The following PCDHA13 variants were observed in gnomAD, a reference collection of about 807,000 sequenced individuals.
PCDHA13 encodes the protein protocadherin alpha 13, also known as protocadherin alpha-13.
PCDHA13 carries 54 observed loss-of-function variants against 64.8 expected under a neutral mutation model. That is an observed-to-expected ratio of 0.83 (90% CI 0.67 to 1.04). The LOEUF (loss-of-function observed/expected upper bound fraction) is 1.04, where lower values mean the gene tolerates loss of function less well. Ranked by LOEUF, PCDHA13 falls within the 50% of genes least tolerant of loss-of-function variation. PCDHA13 has a pLI of 0.00. For missense variants in PCDHA13, 1,248 were observed against 1,254.3 expected, an observed-to-expected ratio of 0.99 and a Z score of 0.08; for synonymous variants, 587 against 564.4, an observed-to-expected ratio of 1.04 and a Z score of -0.57.
intron 1 of PCDHA13, among the ~76,000 whole-genome samples, chr5:140,953,569 C>G (rs246030): frequency 0.56 from 85,556 of 151,828 alleles, 24,725 homozygotes; most frequent in African/African-American, 0.69. Context: ...TTAGTGCCCT[C>G]CTCTCCCAAA....
At chr5:140,973,068 G>T (rs1563422416) in intron 1 of PCDHA13, among the ~76,000 whole-genome samples, 1 of 152,140 alleles carries the variant, frequency 6.6e-6, no homozygotes, top group Non-Finnish European at 1.5e-5. Context: ...CAGTGTCTCA[G>T]TGGGCCCAGC....
intron 1 of PCDHA13, among the ~76,000 whole-genome samples, chr5:140,930,742 A>G (rs2087064675): frequency 6.6e-6 from 1 of 152,216 alleles, no homozygotes; most frequent in Non-Finnish European, 1.5e-5. Context: ...AATAAAATAA[A>G]TTTACATATG....
intron 1 of PCDHA13, among the ~76,000 whole-genome samples, chr5:140,956,438 G>A (rs891696288): frequency 1.3e-5 from 2 of 152,154 alleles, no homozygotes; most frequent in Non-Finnish European, 2.9e-5. Context: ...TTCTGCTTAT[G>A]TGATGAATTA....
At chr5:140,929,276 G>A (rs1554206920) in intron 1 of PCDHA13, 2 of 1,604,822 alleles carry the variant, frequency 1.2e-6, no homozygotes, top group African/African-American at 1.3e-5. Flanking sequence ...CCAATATCCT[G>A]TATTCAGATT....
At chr5:140,963,195 T>TG (rs1323958663) in intron 1 of PCDHA13, among the ~76,000 whole-genome samples, 4 of 150,680 alleles carry the variant, frequency 2.7e-5, no homozygotes, top group Non-Finnish European at 5.9e-5. Flanking sequence ...ACTGTGAAAA[T>TG]GAAAAAAAAA....
In PCDHA13 at chr5:140,882,153, A is replaced by C. The variant is rs1197738298; in HGVS notation, c.-116A>C. 8 of 1,505,202 alleles carry C rather than the reference A, an allele frequency of 5.3e-6. No individual in the cohort carries two copies. Among genetic ancestry groups the C allele is most frequent in the Non-Finnish European group, 7.1e-6 (8 of 1,126,216 alleles). The allele number at this position is 1,505,202 out of a possible 1,614,324, so 93.2% of individuals were successfully genotyped here. The stretch of plus-strand genomic sequence containing the variant: ...CTGCAGAAAATATAGCAGAAAGCGG[A>C]ATACCTCTTGCGAATCCTTCCGCAC... On this transcript the variant is annotated 5_prime_UTR_variant, in exon 1 of 4. Transcript: ENST00000289272.
chr5:140,978,860 A>G, intron 1 of PCDHA13, 89 bp from the exon 2 acceptor site: 1 of 1,598,356 alleles, frequency 6.3e-7, no homozygotes, highest in African/African-American at 1.3e-5. Context: ...GCCTGGAAAT[A>G]TTTAAGGGAG....
chr5:140,976,427 T>C (rs2096715861), intron 1 of PCDHA13, among the ~76,000 whole-genome samples: 1 of 152,064 alleles, frequency 6.6e-6, no homozygotes, highest in Admixed American at 6.5e-5. Flanking sequence ...GGCAGATGCC[T>C]GTAATCCCAG....
At chr5:140,968,419 T>C (rs372766707) in intron 1 of PCDHA13, 37 of 1,613,898 alleles carry the variant, frequency 2.3e-5, no homozygotes, top group Non-Finnish European at 3.0e-5. Context: ...CTGTGGAGGC[T>C]CAGGACAAGG....
At chr5:140,913,145 G>A (rs2076230074) in intron 1 of PCDHA13, among the ~76,000 whole-genome samples, 1 of 152,150 alleles carries the variant, frequency 6.6e-6, no homozygotes, top group Non-Finnish European at 1.5e-5. Context: ...TTTTGGAATA[G>A]TTTGAGTAGG....
intron 3 of PCDHA13, among the ~76,000 whole-genome samples, chr5:141,003,290 G>A (rs1302166316): frequency 1.3e-5 from 2 of 152,176 alleles, no homozygotes; most frequent in Non-Finnish European, 2.9e-5. Flanking sequence ...TTGGATTATA[G>A]GATTACATGA....
chr5:140,932,474 A>G (rs1444534569), intron 1 of PCDHA13, among the ~76,000 whole-genome samples: 1 of 151,904 alleles, frequency 6.6e-6, no homozygotes, highest in African/African-American at 2.4e-5. Context: ...AGGAAATAGG[A>G]TATCTCCTCT....
chr5:141,008,299 C>G (rs1223779122), intron 3 of PCDHA13, among the ~76,000 whole-genome samples: 9 of 152,238 alleles, frequency 5.9e-5, no homozygotes, highest in Non-Finnish European at 1.2e-4. Context: ...TGTACCCAAC[C>G]CTAAACTGTA....
chr5:140,983,966 C>A (rs782428444), intron 3 of PCDHA13, among the ~76,000 whole-genome samples: 1 of 152,048 alleles, frequency 6.6e-6, no homozygotes, highest in Non-Finnish European at 1.5e-5. Flanking sequence ...CACATTTGTC[C>A]AAAAAATATA....
At chr5:141,004,681 G>A (rs1554259668) in intron 3 of PCDHA13, among the ~76,000 whole-genome samples, 1 of 152,176 alleles carries the variant, frequency 6.6e-6, no homozygotes. Flanking sequence ...CTGTGGAGTG[G>A]TGCTGAAACC....
intron 1 of PCDHA13, among the ~76,000 whole-genome samples, chr5:140,884,988 A>G (rs2060423125): frequency 6.6e-6 from 1 of 152,242 alleles, no homozygotes; most frequent in African/African-American, 2.4e-5. Context: ...CATTTAGAAA[A>G]TGTTTGTTTT....
chr5:140,891,755 G>C (rs1489884923), intron 1 of PCDHA13, among the ~76,000 whole-genome samples: 2 of 152,114 alleles, frequency 1.3e-5, no homozygotes, highest in Non-Finnish European at 2.9e-5. Flanking sequence ...CAACAGTGTT[G>C]GGAGGTGGGG....
At chr5:140,924,762 G>A (rs1554202136) in intron 1 of PCDHA13, among the ~76,000 whole-genome samples, 1 of 151,856 alleles carries the variant, frequency 6.6e-6, no homozygotes, top group Non-Finnish European at 1.5e-5. Context: ...GAGCATGGTG[G>A]TGCGCGCTTG....
At chr5:140,929,298 A>G (rs1554206937) in intron 1 of PCDHA13, 26 of 1,591,722 alleles carry the variant, frequency 1.6e-5, no homozygotes, top group Non-Finnish European at 2.1e-5. Context: ...GGAATAGGAA[A>G]GGGGATCACG....
Sources: allele counts gnomAD v4.1 joint callset (sites outside exome capture counted in the v4.1 genomes callset), GRCh38; gene constraint gnomAD v4.1.1; transcripts MANE v1.5; gene names NCBI Gene and HGNC (gene_info 2026-07-23, HGNC 2026-07-21).